LYRM9: variants seen among roughly 807,000 people sequenced by gnomAD.
LYRM9 encodes the protein LYR motif containing 9, also known as LYR motif-containing protein 9.
In LYRM9, 14 loss-of-function variants were observed where a neutral mutation model predicts 12.6. The ratio of observed to expected loss-of-function variants is 1.11; its 90% CI spans 0.73 to 1.73. The LOEUF (loss-of-function observed/expected upper bound fraction) is 1.73, where lower values mean the gene tolerates loss of function less well. LYRM9 is among the 40% of genes most tolerant of loss of function. LYRM9 has a pLI of 0.00. For synonymous variants in LYRM9, 42 were observed against 35.1 expected, an observed-to-expected ratio of 1.20 and a Z score of -0.69; for missense variants, 94 against 95.0, an observed-to-expected ratio of 0.99 and a Z score of 0.04.
chr17:27,891,061 C>G (rs368193756), intron 1 of LYRM9, among the ~76,000 whole-genome samples: 5 of 152,158 alleles, frequency 3.3e-5, no homozygotes, highest in African/African-American at 1.2e-4. Context: ...CGAATACCTC[C>G]TGATCTGTCT....
At chr17:27,882,480 T>G (rs1244790855) in intron 2 of LYRM9, 89 bp downstream of exon 2, 5 of 1,424,802 alleles carry the variant, frequency 3.5e-6, no homozygotes, top group Non-Finnish European at 4.6e-6. Flanking sequence ...TCTCAGAGAC[T>G]AGCTCTGTGC....
intron 1 of LYRM9, among the ~76,000 whole-genome samples, chr17:27,885,479 G>A (rs541975849): frequency 2.0e-5 from 3 of 152,214 alleles, no homozygotes; most frequent in East Asian, 3.9e-4. Flanking sequence ...GGCAGGCTGC[G>A]ATGGGTGGAT....
intron 1 of LYRM9, among the ~76,000 whole-genome samples, chr17:27,890,740 T>C (rs1022458862): frequency 6.6e-6 from 1 of 152,190 alleles, no homozygotes; most frequent in African/African-American, 2.4e-5. Flanking sequence ...AATTATGCCC[T>C]ATTGAGCACT....
rs1248253367 is a variant in LYRM9 at position 27,879,451 on chromosome 17, G to A, written c.*22C>T. On this transcript the variant is annotated 3_prime_UTR_variant, in exon 4 of 4. Coordinates refer to ENST00000379102, the MANE Select transcript of LYRM9 (RefSeq NM_001076680.3). ...GGGGCCTCTCAACTTCCAGAGGCCA[G>A]GAAGGCTCACCCTCGGAGCTCTCAG... The A allele has an allele frequency of 2.6e-6, 4 of 1,550,686 alleles. No individual in the cohort carries two copies. The South Asian group carries it at 4.8e-5, about 18-fold the overall frequency.
At chr17:27,879,535 G>A (rs1436474781) in intron 3 of LYRM9, 45 bp from the exon 4 acceptor site, 1 of 1,546,622 alleles carries the variant, frequency 6.5e-7, no homozygotes, top group Non-Finnish European at 8.7e-7. Context: ...AGCCAACAGG[G>A]GCAGGAGGAC....
At chr17:27,888,162 G>A (rs147692641) in intron 1 of LYRM9, among the ~76,000 whole-genome samples, 3 of 152,272 alleles carry the variant, frequency 2.0e-5, no homozygotes, top group African/African-American at 7.2e-5. Context: ...TATTTTGAAC[G>A]AATCCTCCTA....
rs148382455 is a variant in LYRM9, at chr17:27,891,404, T to C, written c.-19+1913A>G. 3.5e-3 allele frequency among the ~76,000 whole-genome samples: 536 copies of C among 152,334 alleles called. 6 individuals are homozygous for C. Among genetic ancestry groups the C allele is most frequent in the Admixed American group, 0.029 (440 of 15,304 alleles). ...TGTCAATGCGGTCCCTAATAAATAG[T>C]ATTTCCTACATAGGACTGTTGTAAG... On this transcript the variant is annotated intron_variant, in intron 1 of 3. Coordinates refer to ENST00000379102, the MANE Select transcript of LYRM9 (RefSeq NM_001076680.3).
rs1461063887 is a variant in LYRM9 at position 27,885,635 on chromosome 17, C to T, written c.-18-2923G>A. Among the ~76,000 whole-genome samples, 5 of 145,116 alleles carry T rather than the reference C, an allele frequency of 3.4e-5. No homozygotes were observed. In the East Asian group the frequency reaches 6.1e-4, roughly 18 times the overall value. On this transcript the variant is annotated intron_variant, in intron 1 of 3. Coordinates refer to ENST00000379102, the MANE Select transcript of LYRM9 (RefSeq NM_001076680.3). ...TGTGATGGGAGGATCACTTCAGCCT[C>T]GACTGCAGTGAGCTGTGATCACACC...
intron 2 of LYRM9, chr17:27,880,900 A>G (rs1480888722): frequency 1.3e-5 from 2 of 153,204 alleles, no homozygotes; most frequent in Non-Finnish European, 2.9e-5. Context: ...TTTTGACCAG[A>G]TATTCATCCT....
intron 3 of LYRM9, 78 bp downstream of exon 3, chr17:27,880,196 A>G (rs1489368020): frequency 1.8e-6 from 2 of 1,086,192 alleles, no homozygotes; most frequent in South Asian, 2.7e-5. Context: ...GTGGGGCAGG[A>G]GTGGCCTCTA....
chr17:27,887,333 G>A (rs748684965), intron 1 of LYRM9, among the ~76,000 whole-genome samples: 7 of 152,102 alleles, frequency 4.6e-5, no homozygotes, highest in East Asian at 1.9e-4. Context: ...GGAAAAACAC[G>A]TTTTCATAGG....
chr17:27,892,428 T>A (rs766946866), intron 1 of LYRM9: 15 of 455,874 alleles, frequency 3.3e-5, no homozygotes, highest in Non-Finnish European at 5.7e-5. Context: ...TCCATAGATG[T>A]CAATTGATTC....
rs1204213141 is a variant in LYRM9 at position 27,879,354 on chromosome 17, C to G, written c.*119G>C. On this transcript the variant is annotated 3_prime_UTR_variant, in exon 4 of 4. Transcript: ENST00000379102. ...CTCTGGAGCAAGGTCAGCTTCTCCC[C>G]TGATTTCTGGCTTTCAGCCAACAAG... The G allele has an allele frequency of 4.2e-6, 5 of 1,179,802 alleles. No individual in the cohort carries two copies. Among genetic ancestry groups the G allele is most frequent in the South Asian group, 1.6e-5 (1 of 62,376 alleles). 73.1% of individuals were successfully genotyped at this position (1,179,802 alleles called of 1,614,324 possible).
chr17:27,886,858 C>A lies in LYRM9; in HGVS notation c.-18-4146G>T, dbSNP rs970772502. Reference sequence around the variant, plus strand: ...ATGGGGTTTCTCCCTGTTGGTCAGGCTGGTCTCAAACTCCCGACCTCAGGT... The same window carrying A: ...ATGGGGTTTCTCCCTGTTGGTCAGGATGGTCTCAAACTCCCGACCTCAGGT... On this transcript the variant is annotated intron_variant, in intron 1 of 3. Coordinates refer to ENST00000379102, the MANE Select transcript of LYRM9 (RefSeq NM_001076680.3). The surrounding 1 kb of genome is among the most constrained non-coding windows in gnomAD (Gnocchi z 4.8). 6.6e-6 allele frequency among the ~76,000 whole-genome samples: 1 copy of A among 152,040 alleles called. No individual in the cohort carries two copies. Among genetic ancestry groups the A allele is most frequent in the African/African-American group, 2.4e-5 (1 of 41,388 alleles).
At chr17:27,885,599 A>G (rs1054474539) in intron 1 of LYRM9, among the ~76,000 whole-genome samples, 5 of 149,670 alleles carry the variant, frequency 3.3e-5, no homozygotes, top group Non-Finnish European at 7.4e-5. Context: ...AGTCCCAGCT[A>G]CTCAAGAGGC....
At chr17:27,879,852 C>A (rs77577306) in intron 3 of LYRM9, 1 of 567,388 alleles carries the variant, frequency 1.8e-6, no homozygotes, top group Non-Finnish European at 3.1e-6. Context: ...TCCCTTCCTC[C>A]ACCAAAACAT....
At chr17:27,880,730 G>A (rs553428464) in intron 2 of LYRM9, 41 of 292,436 alleles carry the variant, frequency 1.4e-4, no homozygotes, top group Admixed American at 3.8e-4. Context: ...GCTTTCCCCA[G>A]GGTGAGATCT....
chr17:27,882,973 A>G (rs1407741195), intron 1 of LYRM9: 1 of 558,936 alleles, frequency 1.8e-6, no homozygotes, highest in African/African-American at 1.9e-5. Context: ...CTGGAACTCA[A>G]CTTCAAGTGG....
intron 1 of LYRM9, among the ~76,000 whole-genome samples, chr17:27,885,563 A>C (rs1175806738): frequency 6.6e-6 from 1 of 152,036 alleles, no homozygotes; most frequent in Non-Finnish European, 1.5e-5. Flanking sequence ...ATAAAAAATT[A>C]ACTGGGCATG....
Sources: gnomAD v4.1 joint callset for allele counts (sites outside exome capture counted in the v4.1 genomes callset) on GRCh38, gnomAD v4.1.1 for gene constraint, Gnocchi (gnomAD v3.1) non-coding constraint, MANE v1.5 for transcripts, NCBI Gene and HGNC (gene_info 2026-07-23, HGNC 2026-07-21) for gene names.